Variants in PLXNC1 observed in about 807,000 individuals in gnomAD.
PLXNC1 encodes the protein plexin C1.
Under a neutral mutation model 178.2 loss-of-function variants are expected in PLXNC1, and 75 were observed. The observed-to-expected ratio is 0.42, with a 90% CI of 0.35 to 0.51. PLXNC1 has a LOEUF of 0.51. Among genes scored for constraint, PLXNC1 ranks in the 20% least tolerant of loss-of-function variants. The pLI, the probability that PLXNC1 is intolerant of heterozygous loss-of-function variation, is 0.02. For missense variants in PLXNC1, 1,503 were observed against 1,984.4 expected (o/e 0.76, Z 4.61); for synonymous variants, 790 against 779.9 (o/e 1.01, Z -0.22).
At chr12:94,223,678 T>G (rs961202000) in intron 6 of PLXNC1, among the ~76,000 whole-genome samples, 1 of 152,222 alleles carries the variant, frequency 6.6e-6, no homozygotes, top group African/African-American at 2.4e-5. Context: ...TTCTAACCAA[T>G]GAGTAGGTTT....
At chr12:94,283,939 C>T (rs1389698992) in intron 23 of PLXNC1, among the ~76,000 whole-genome samples, 5 of 151,956 alleles carry the variant, frequency 3.3e-5, no homozygotes, top group African/African-American at 4.8e-5. Flanking sequence ...AAAAATTAGC[C>T]GGGCATGGTG....
At chr12:94,158,758 C>T (rs1037600117) in intron 1 of PLXNC1, among the ~76,000 whole-genome samples, 1 of 152,176 alleles carries the variant, frequency 6.6e-6, no homozygotes, top group Non-Finnish European at 1.5e-5. Flanking sequence ...CAACGTAACA[C>T]GACCCTGTCT....
At chr12:94,230,030 A>T (rs1182924290) in intron 9 of PLXNC1, among the ~76,000 whole-genome samples, 1 of 152,216 alleles carries the variant, frequency 6.6e-6, no homozygotes, top group African/African-American at 2.4e-5. Flanking sequence ...AGCAGTCAAG[A>T]CACAGAACAG....
intron 22 of PLXNC1, chr12:94,280,279 T>C (rs1966339102): frequency 6.0e-6 from 1 of 167,772 alleles, no homozygotes; most frequent in Non-Finnish European, 1.3e-5. Flanking sequence ...ATTTTAAAGT[T>C]GAGCTCCGTG....
At chr12:94,226,847 AACC>A in intron 8 of PLXNC1, 140 bp downstream of exon 8, 1 of 657,864 alleles carries the variant, frequency 1.5e-6, no homozygotes, top group Non-Finnish European at 2.7e-6. Flanking sequence ...AACATGGCAA[AACC>A]CTGCCTCTAC....
At chr12:94,193,385 G>T (rs73364635) in intron 4 of PLXNC1, among the ~76,000 whole-genome samples, 3,587 of 152,052 alleles carry the variant, frequency 0.024, 164 homozygotes, top group African/African-American at 0.082. Flanking sequence ...GAAGGAAGTG[G>T]GTGGATTAGA....
At chr12:94,244,629 T>G (rs1964478782) in intron 12 of PLXNC1, among the ~76,000 whole-genome samples, 1 of 152,168 alleles carries the variant, frequency 6.6e-6, no homozygotes, top group East Asian at 1.9e-4. Flanking sequence ...AGAGCAGGGG[T>G]GTCAACCTTT....
Position 94,149,473 on chromosome 12 carries a change from C to G in PLXNC1, c.502C>G (p.Arg168Gly). 6.7e-7 allele frequency: 1 copy of G among 1,502,912 alleles called. No individual in the cohort carries two copies. Among genetic ancestry groups the G allele is most frequent in the East Asian group, 2.5e-5 (1 of 39,910 alleles). The allele number at this position is 1,502,912 out of a possible 1,614,324, so 93.1% of individuals were successfully genotyped here. A position where few individuals can be genotyped will look rare whatever the true frequency, so the allele number is the denominator to read the frequency against. ...GGGCTCGACGGCCGGCGTGGTGTAC[C>G]GCGCGGGCCGGAACAACCGCTGGTA... ...PQGSTAGVVY[R>G]AGRNNRWYLA... Residue 168 changes from arginine (R) to glycine (G), a missense_variant, in exon 1 of 31, where the codon CGC becomes GGC. This residue lies in a region of PLXNC1 where 73 missense variants were observed against 125.4 expected (regional missense o/e 0.58). Transcript: ENST00000258526.
intron 5 of PLXNC1, among the ~76,000 whole-genome samples, chr12:94,211,218 C>T (rs7961505): frequency 3.3e-5 from 5 of 152,176 alleles, no homozygotes; most frequent in African/African-American, 1.2e-4. Flanking sequence ...CGCCCTAAGT[C>T]CCACTGTGGT....
chr12:94,235,554 A>T (rs1291763067), intron 9 of PLXNC1, among the ~76,000 whole-genome samples: 2 of 152,228 alleles, frequency 1.3e-5, no homozygotes, highest in African/African-American at 4.8e-5. Context: ...AAAGAAAAAA[A>T]ATTCTATCTT....
chr12:94,222,574 A>T (rs1487802398), intron 6 of PLXNC1, among the ~76,000 whole-genome samples: 1 of 152,166 alleles, frequency 6.6e-6, no homozygotes, highest in Non-Finnish European at 1.5e-5. Flanking sequence ...GAAACCACTC[A>T]TATGGTTGTT....
At chr12:94,281,235 C>T (rs545922303) in intron 22 of PLXNC1, among the ~76,000 whole-genome samples, 23 of 152,210 alleles carry the variant, frequency 1.5e-4, no homozygotes, top group South Asian at 2.1e-4. Context: ...GCCCAGATTG[C>T]GCCACTGTAC....
intron 26 of PLXNC1, 30 bp from the exon 27 acceptor site, chr12:94,298,602 C>A (rs1221413976): frequency 1.3e-6 from 2 of 1,546,670 alleles, no homozygotes; most frequent in African/African-American, 1.4e-5. Flanking sequence ...AGTTTTTAAT[C>A]TCCCAAATCT....
chr12:94,241,077 GA>G (rs1180460552), intron 11 of PLXNC1, among the ~76,000 whole-genome samples: 1 of 152,154 alleles, frequency 6.6e-6, no homozygotes, highest in Non-Finnish European at 1.5e-5. Context: ...ATGAAAAGCA[GA>G]ATCAACCTTT....
intron 20 of PLXNC1, among the ~76,000 whole-genome samples, chr12:94,261,264 G>A (rs996902484): frequency 2.6e-5 from 4 of 152,178 alleles, no homozygotes; most frequent in Admixed American, 6.5e-5. Context: ...CAGTCATTCC[G>A]CATTAAAGCA....
rs769164476 is a variant in PLXNC1 at position 94,177,537 on chromosome 12, G to GAAAGAGAAAGAAAC, written c.1204-3902_1204-3901insAAGAAACAAAGAGA. 8.2e-3 allele frequency among the ~76,000 whole-genome samples: 1,234 copies of GAAAGAGAAAGAAAC among 150,150 alleles called. 20 individuals are homozygous for GAAAGAGAAAGAAAC. The highest frequency in any genetic ancestry group is 0.042 in the South Asian group (197 of 4,710). On this transcript the variant is annotated intron_variant, in intron 2 of 30. Transcript: ENST00000258526. Reference sequence around the variant, plus strand: ...AAAGAGAGAGAGAGGGAGAAAGAAAGAAAGAGAGAGAAAGAAAAAGAAAGA... The same window carrying GAAAGAGAAAGAAAC: ...AAAGAGAGAGAGAGGGAGAAAGAAAGAAAGAGAAAGAAACAAAGAGAGAGAAAGAAAAAGAAAGA...
intron 9 of PLXNC1, among the ~76,000 whole-genome samples, chr12:94,230,675 G>C (rs1236070538): frequency 2.0e-5 from 3 of 152,204 alleles, no homozygotes; most frequent in Admixed American, 2.0e-4. Flanking sequence ...GGTGGAATGT[G>C]TAACATTCTG....
chr12:94,306,468 C>T lies in PLXNC1; in HGVS notation c.*1183C>T, dbSNP rs1278078620. On this transcript the variant is annotated 3_prime_UTR_variant, in exon 31 of 31. Transcript: ENST00000258526. ...CAGTTATACTGTAGTCTTTTTAGTG[C>T]TGATTTTTTAATTCCTGAATTTTTG... The T allele has an allele frequency of 6.6e-6, 1 of 152,076 alleles. No individual in the cohort carries two copies. The allele number at this position is 152,076 out of a possible 1,614,324, so 9.4% of individuals were successfully genotyped here.
chr12:94,194,821 T>C (rs1157687879), intron 4 of PLXNC1, among the ~76,000 whole-genome samples: 1 of 152,116 alleles, frequency 6.6e-6, no homozygotes, highest in Non-Finnish European at 1.5e-5. Flanking sequence ...ACGTACATCA[T>C]TGTAGGCCCA....
Sources: gnomAD v4.1 joint callset for allele counts (sites outside exome capture counted in the v4.1 genomes callset) on GRCh38, gnomAD v4.1.1 for gene constraint, gnomAD v4.1.1 regional missense constraint, MANE v1.5 for transcripts, NCBI Gene and HGNC (gene_info 2026-07-23, HGNC 2026-07-21) for gene names.